Variants in AGBL4 observed in about 807,000 individuals in gnomAD.
The protein encoded by AGBL4 is cytosolic carboxypeptidase 6.
Under a neutral mutation model 66.4 loss-of-function variants are expected in AGBL4, and 58 were observed. That is an observed-to-expected ratio of 0.87 (90% CI 0.71 to 1.09). The LOEUF (loss-of-function observed/expected upper bound fraction) is 1.09. Among genes scored for constraint, AGBL4 ranks in the 50% least tolerant of loss-of-function variants. AGBL4 has a pLI of 0.00. For missense variants in AGBL4, 579 were observed against 631.0 expected (o/e 0.92, Z 0.88); for synonymous variants, 234 against 222.9 (o/e 1.05, Z -0.44).
intron 2 of AGBL4, among the ~76,000 whole-genome samples, chr1:49,815,220 T>C (rs1645202377): frequency 6.6e-6 from 1 of 152,182 alleles, no homozygotes; most frequent in South Asian, 2.1e-4. Context: ...TCTAACTTCA[T>C]GACTTCAATT....
chr1:49,183,107 T>C (rs1646957273), intron 4 of AGBL4, among the ~76,000 whole-genome samples: 1 of 152,186 alleles, frequency 6.6e-6, no homozygotes, highest in Non-Finnish European at 1.5e-5. Flanking sequence ...GAGTGATTCT[T>C]CTGTCCCAAG....
chr1:48,703,320 A>G lies in AGBL4; in HGVS notation c.635-40079T>C, dbSNP rs138775959. 3.9e-3 allele frequency among the ~76,000 whole-genome samples: 596 copies of G among 152,310 alleles called. 4 individuals are homozygous for G. Among genetic ancestry groups the G allele is most frequent in the African/African-American group, 0.014 (583 of 41,590 alleles). On this transcript the variant is annotated intron_variant, in intron 6 of 13. Transcript: ENST00000371839. The stretch of plus-strand genomic sequence containing the variant: ...AATAAAATACCACATTAAAATTCCC[A>G]TGGCAGTGAGAAAAAACAGAATTGA...
rs113523851 is a variant in AGBL4, at chr1:48,755,306, G to A, written c.635-92065C>T. ...ACCATTCGTAGGACCCCACTACCTC[G>A]GTGAGTAAATAATGATTCTTCCAGA... On this transcript the variant is annotated intron_variant, in intron 6 of 13. Coordinates refer to ENST00000371839, the MANE Select transcript of AGBL4 (RefSeq NM_032785.4). Among the ~76,000 whole-genome samples the A allele has an allele frequency of 1.5e-4, 23 of 152,240 alleles. No individual in the cohort carries two copies. In the East Asian group the frequency reaches 4.2e-3, roughly 28 times the overall value.
At chr1:49,856,849 C>T (rs1646446389) in intron 1 of AGBL4, among the ~76,000 whole-genome samples, 1 of 151,978 alleles carries the variant, frequency 6.6e-6, no homozygotes, top group Non-Finnish European at 1.5e-5. Context: ...ACTTCTCTTA[C>T]TCAACATGGT....
At chr1:49,657,889 C>A (rs1381836130) in intron 3 of AGBL4, among the ~76,000 whole-genome samples, 2 of 152,060 alleles carry the variant, frequency 1.3e-5, no homozygotes, top group Non-Finnish European at 2.9e-5. Flanking sequence ...CATTAGACCT[C>A]AAACCATGAA....
intron 3 of AGBL4, among the ~76,000 whole-genome samples, chr1:49,456,050 A>G (rs1413082112): frequency 2.6e-5 from 4 of 151,790 alleles, no homozygotes; most frequent in Non-Finnish European, 5.9e-5. Context: ...CTAACATTCA[A>G]ATCACACATT....
rs1027389809 is a variant in AGBL4, at chr1:49,710,582, T to C, written c.158-13145A>G. 2.0e-5 allele frequency among the ~76,000 whole-genome samples: 3 copies of C among 151,824 alleles called. No individual in the cohort carries two copies. In the East Asian group the frequency reaches 5.8e-4, roughly 29 times the overall value. Reference sequence around the variant, plus strand: ...TGCACATGTATCCCAGAATTTAAAGTATAATAATAAAACAAAAATGAATAA... The same window carrying C: ...TGCACATGTATCCCAGAATTTAAAGCATAATAATAAAACAAAAATGAATAA... On this transcript the variant is annotated intron_variant, in intron 2 of 13. Transcript: ENST00000371839.
At position 49,853,366 on chromosome 1, in the gene AGBL4, A is replaced by G. The variant is rs192508135; in HGVS notation, c.35-1848T>C. ...TAGAGATGAAGAATGCCTTTAATGC[A>G]TTCATCAGTACACTTGGGACAGCTG... On this transcript the variant is annotated intron_variant, in intron 1 of 13. Transcript: ENST00000371839. Among the ~76,000 whole-genome samples the G allele has an allele frequency of 5.3e-5, 8 of 152,328 alleles. No homozygotes were observed. In the East Asian group the frequency reaches 1.5e-3, roughly 29 times the overall value.
intron 6 of AGBL4, among the ~76,000 whole-genome samples, chr1:48,667,438 AT>A (rs1343687545): frequency 6.6e-6 from 1 of 152,232 alleles, no homozygotes; most frequent in African/African-American, 2.4e-5. Flanking sequence ...ATGTGAGTGC[AT>A]TTGGAAGAGG....
intron 1 of AGBL4, among the ~76,000 whole-genome samples, chr1:49,950,495 A>G (rs912486609): frequency 2.0e-5 from 3 of 151,704 alleles, no homozygotes; most frequent in African/African-American, 4.8e-5. Flanking sequence ...AATCTCACAA[A>G]TCACCACTAA....
At chr1:48,774,557 T>A (rs1192253852) in intron 6 of AGBL4, among the ~76,000 whole-genome samples, 1 of 152,238 alleles carries the variant, frequency 6.6e-6, no homozygotes, top group Non-Finnish European at 1.5e-5. Context: ...CTGGCACACT[T>A]CTTTGAACCT....
At chr1:49,664,717 T>C (rs1439329660) in intron 3 of AGBL4, among the ~76,000 whole-genome samples, 2 of 152,128 alleles carry the variant, frequency 1.3e-5, no homozygotes, top group Non-Finnish European at 2.9e-5. Flanking sequence ...CCCACATTTC[T>C]GACAGCTTTC....
At chr1:48,759,203 G>A (rs1644122854) in intron 6 of AGBL4, 9 of 1,610,840 alleles carry the variant, frequency 5.6e-6, no homozygotes, top group Non-Finnish European at 7.6e-6. Flanking sequence ...CCCAGGCTCA[G>A]GCCGTTCTGC....
chr1:49,574,872 T>C (rs1644404880), intron 3 of AGBL4, among the ~76,000 whole-genome samples: 1 of 151,940 alleles, frequency 6.6e-6, no homozygotes, highest in African/African-American at 2.4e-5. Flanking sequence ...CTTGTCTTTA[T>C]ACAAGCAGAA....
intron 13 of AGBL4, among the ~76,000 whole-genome samples, chr1:48,534,599 A>G (rs1057358678): frequency 6.6e-6 from 1 of 152,208 alleles, no homozygotes; most frequent in African/African-American, 2.4e-5. Flanking sequence ...TTGAATTCAA[A>G]TTGAAGATGT....
chr1:49,076,114 C>G (rs964977594), intron 4 of AGBL4, among the ~76,000 whole-genome samples: 4 of 152,136 alleles, frequency 2.6e-5, no homozygotes, highest in African/African-American at 4.8e-5. Context: ...GGAATTGTTG[C>G]TACTGCATTG....
rs111874964 is a variant in AGBL4, at chr1:49,462,328, C to A, written c.283-216464G>T. Among the ~76,000 whole-genome samples, 246 of 151,784 alleles carry A rather than the reference C, an allele frequency of 1.6e-3. 3 individuals are homozygous for A. The highest frequency in any genetic ancestry group is 2.7e-3 in the Non-Finnish European group (185 of 67,772). ...TAGAGCAGAAAGAATAGAAAAGAAG[C>A]ACCATCTTAATATAACTTAGGGAGA... On this transcript the variant is annotated intron_variant, in intron 3 of 13. Transcript: ENST00000371839.
chr1:49,968,137 C>T (rs1373576213), intron 1 of AGBL4, among the ~76,000 whole-genome samples: 1 of 151,240 alleles, frequency 6.6e-6, no homozygotes, highest in Non-Finnish European at 1.5e-5. Flanking sequence ...ACAGGAGAAT[C>T]ACTTGAACTC....
chr1:48,808,078 T>A (rs1262039088), intron 6 of AGBL4, among the ~76,000 whole-genome samples: 1 of 152,176 alleles, frequency 6.6e-6, no homozygotes, highest in Non-Finnish European at 1.5e-5. Context: ...CCAAGCAGTA[T>A]AAGTCAGTGA....
Sources: gnomAD v4.1 joint callset for allele counts (sites outside exome capture counted in the v4.1 genomes callset) on GRCh38, gnomAD v4.1.1 for gene constraint, MANE v1.5 for transcripts, NCBI Gene and HGNC (gene_info 2026-07-23, HGNC 2026-07-21) for gene names.